ADAM12: variants seen among roughly 807,000 people sequenced by gnomAD.
ADAM12 encodes the protein ADAM metallopeptidase domain 12, also known as disintegrin and metalloproteinase domain-containing protein 12.
In ADAM12, 70 loss-of-function variants were observed where a neutral mutation model predicts 106.4. The ratio of observed to expected loss-of-function variants is 0.66; its 90% CI spans 0.54 to 0.80. The LOEUF (loss-of-function observed/expected upper bound fraction) is 0.80, where lower values mean the gene tolerates loss of function less well. Among genes scored for constraint, ADAM12 ranks in the 30% least tolerant of loss-of-function variants. The probability of loss-of-function intolerance (pLI) is 0.00; values close to 1 mark genes in which losing one functional copy is unlikely to be tolerated. For missense variants in ADAM12, 1,010 were observed against 1,171.9 expected (o/e 0.86, Z 2.02); for synonymous variants, 420 against 433.5 (o/e 0.97, Z 0.39).
intron 21 of ADAM12, among the ~76,000 whole-genome samples, chr10:126,027,565 A>G (rs1953897521): frequency 6.6e-6 from 1 of 152,246 alleles, no homozygotes; most frequent in Non-Finnish European, 1.5e-5. Context: ...GGTTCGGGAT[A>G]TGCAAATCAA....
Position 126,110,784 on chromosome 10 carries a change from C to T in ADAM12, c.604-944G>A, listed in dbSNP as rs921703313. On this transcript the variant is annotated intron_variant, in intron 6 of 22. Coordinates refer to ENST00000448723, the MANE Select transcript of ADAM12 (RefSeq NM_001288973.2). Reference sequence around the variant, plus strand: ...CATTTTTAAGAGAAATAAAGCAGTTCGTGGAGGGTGGTCTCAAAAAGCAAA... The same window carrying T: ...CATTTTTAAGAGAAATAAAGCAGTTTGTGGAGGGTGGTCTCAAAAAGCAAA... 1.9e-4 allele frequency among the ~76,000 whole-genome samples: 29 copies of T among 152,146 alleles called. 2 individuals are homozygous for T. The highest frequency in any genetic ancestry group is 1.4e-3 in the Admixed American group (22 of 15,278).
At chr10:126,269,501 G>A (rs1290098347) in intron 3 of ADAM12, among the ~76,000 whole-genome samples, 1 of 152,162 alleles carries the variant, frequency 6.6e-6, no homozygotes, top group Non-Finnish European at 1.5e-5. Context: ...AAATCCAGAA[G>A]AGACAGGCCA....
At chr10:126,044,530 C>T (rs1206632922) in intron 17 of ADAM12, among the ~76,000 whole-genome samples, 6 of 152,112 alleles carry the variant, frequency 3.9e-5, no homozygotes, top group Admixed American at 6.5e-5. Flanking sequence ...ATCAGGAAGT[C>T]GATGCACAAT....
intron 1 of ADAM12, among the ~76,000 whole-genome samples, chr10:126,347,425 C>A (rs1410869298): frequency 1.3e-5 from 2 of 152,148 alleles, no homozygotes; most frequent in African/African-American, 4.8e-5. Context: ...TTGTGGGTAA[C>A]CCGACCTTTC....
chr10:126,294,976 G>T lies in ADAM12; in HGVS notation c.187-15988C>A, dbSNP rs151089549. 9.2e-4 allele frequency among the ~76,000 whole-genome samples: 140 copies of T among 151,886 alleles called. 1 individual carries two copies. The highest frequency in any genetic ancestry group is 3.3e-3 in the African/African-American group (135 of 41,418). On this transcript the variant is annotated intron_variant, in intron 2 of 22. Coordinates refer to ENST00000448723, the MANE Select transcript of ADAM12 (RefSeq NM_001288973.2). ...ATACAGTAGGGTCTTACCTAAAGTT[G>T]CAATGGAATAAGGAAATCCAAAAAC... is the stretch of plus-strand genomic sequence containing the variant.
intron 3 of ADAM12, among the ~76,000 whole-genome samples, chr10:126,190,168 G>A (rs1049707377): frequency 1.3e-5 from 2 of 151,534 alleles, no homozygotes; most frequent in East Asian, 2.0e-4. Context: ...AGCGTGTAGC[G>A]TGCCTGCTTC....
At chr10:126,341,804 GGCACAGGGTGAT>G (rs1185769427) in intron 1 of ADAM12, among the ~76,000 whole-genome samples, 1 of 152,150 alleles carries the variant, frequency 6.6e-6, no homozygotes, top group African/African-American at 2.4e-5. Context: ...GAAGGCAGTG[GGCACAGGGTGAT>G]GATTTGAATT....
At chr10:126,221,408 GAAA>G (rs2133853124) in intron 3 of ADAM12, among the ~76,000 whole-genome samples, 1 of 131,390 alleles carries the variant, frequency 7.6e-6, no homozygotes, top group Non-Finnish European at 1.6e-5. Flanking sequence ...AAAAAAAAAA[GAAA>G]GAAAGAAAGA....
chr10:126,301,020 C>G (rs1380434608), intron 2 of ADAM12, among the ~76,000 whole-genome samples: 2 of 152,130 alleles, frequency 1.3e-5, no homozygotes, highest in African/African-American at 4.8e-5. Flanking sequence ...ATTTTGCCCC[C>G]CAGGGAACAT....
intron 1 of ADAM12, among the ~76,000 whole-genome samples, chr10:126,368,154 T>C (rs899336330): frequency 1.4e-4 from 21 of 151,908 alleles, no homozygotes; most frequent in African/African-American, 5.1e-4. Context: ...TATGTGTATA[T>C]ATAATATAGG....
intron 1 of ADAM12, among the ~76,000 whole-genome samples, chr10:126,385,218 C>A (rs767079989): frequency 6.6e-6 from 1 of 152,182 alleles, no homozygotes; most frequent in Non-Finnish European, 1.5e-5. Context: ...ATTTGCTCAG[C>A]AATCTGGAAA....
At chr10:126,096,058 T>C (rs1376338312) in intron 10 of ADAM12, among the ~76,000 whole-genome samples, 1 of 152,234 alleles carries the variant, frequency 6.6e-6, no homozygotes, top group African/African-American at 2.4e-5. Context: ...TTACAGTAGA[T>C]GAAATTCCTA....
At chr10:126,373,787 G>T (rs190077840) in intron 1 of ADAM12, among the ~76,000 whole-genome samples, 93 of 152,330 alleles carry the variant, frequency 6.1e-4, no homozygotes, top group Non-Finnish European at 3.2e-4. Context: ...GAACTAGAAA[G>T]AAGGGAAAGG....
chr10:126,199,367 C>A (rs1957655444), intron 3 of ADAM12, among the ~76,000 whole-genome samples: 1 of 152,148 alleles, frequency 6.6e-6, no homozygotes, highest in African/African-American at 2.4e-5. Context: ...GTCATGCCAA[C>A]AATCATATCT....
intron 2 of ADAM12, among the ~76,000 whole-genome samples, chr10:126,288,306 T>C (rs1035837448): frequency 6.6e-6 from 1 of 152,154 alleles, no homozygotes; most frequent in Non-Finnish European, 1.5e-5. Flanking sequence ...TTTCTTACAT[T>C]TGTACTTGGG....
chr10:126,237,904 A>C (rs1958449663), intron 3 of ADAM12, among the ~76,000 whole-genome samples: 1 of 152,186 alleles, frequency 6.6e-6, no homozygotes, highest in South Asian at 2.1e-4. Flanking sequence ...CTGTGCTCTC[A>C]ACAGTGCCCA....
chr10:126,017,132 A>G lies in ADAM12; in HGVS notation c.*147T>C. ...TAGACAGAGCACCATAGCACAGCAC[A>G]GCACTGACGGCAGTAGCTCAAAGTT... is the stretch of plus-strand genomic sequence containing the variant. On this transcript the variant is annotated 3_prime_UTR_variant, in exon 23 of 23. Transcript: ENST00000448723. 2 of 685,512 alleles carry G rather than the reference A, an allele frequency of 2.9e-6. No homozygotes were observed. Among genetic ancestry groups the G allele is most frequent in the Admixed American group, 2.8e-5 (1 of 35,440 alleles). The allele number at this position is 685,512 out of a possible 1,614,324, so 42.5% of individuals were successfully genotyped here.
At chr10:126,250,850 C>G (rs1354967109) in intron 3 of ADAM12, among the ~76,000 whole-genome samples, 1 of 152,210 alleles carries the variant, frequency 6.6e-6, no homozygotes, top group African/African-American at 2.4e-5. Context: ...TTTTATTACA[C>G]TCATTTATGT....
chr10:126,086,799 C>CGAG, intron 11 of ADAM12, among the ~76,000 whole-genome samples: 1 of 146,278 alleles, frequency 6.8e-6, no homozygotes, highest in Non-Finnish European at 1.5e-5. Context: ...TTTGGGAAGC[C>CGAG]GAGGCTCACA....
Sources: gnomAD v4.1 joint callset for allele counts (sites outside exome capture counted in the v4.1 genomes callset) on GRCh38, gnomAD v4.1.1 for gene constraint, MANE v1.5 for transcripts, NCBI Gene and HGNC (gene_info 2026-07-23, HGNC 2026-07-21) for gene names.